The following SPATS2 variants were observed in gnomAD, a reference collection of about 807,000 sequenced individuals.
SPATS2 encodes the protein spermatogenesis-associated serine-rich protein 2.
SPATS2 carries 38 observed loss-of-function variants against 63.7 expected under a neutral mutation model. That is an observed-to-expected ratio of 0.60 (90% CI 0.46 to 0.78). The LOEUF (loss-of-function observed/expected upper bound fraction) is 0.78, where lower values mean the gene tolerates loss of function less well. Among genes scored for constraint, SPATS2 ranks in the 30% least tolerant of loss-of-function variants. The pLI is 0.00. For missense variants in SPATS2, 588 were observed against 666.2 expected, an observed-to-expected ratio of 0.88 and a Z score of 1.29; for synonymous variants, 207 against 232.9, an observed-to-expected ratio of 0.89 and a Z score of 1.01.
intron 2 of SPATS2, among the ~76,000 whole-genome samples, chr12:49,458,647 G>A (rs1265618531): frequency 6.6e-6 from 1 of 151,860 alleles, no homozygotes; most frequent in African/African-American, 2.4e-5. Flanking sequence ...GGGCATGGTG[G>A]TGCATGCCTA....
intron 3 of SPATS2, among the ~76,000 whole-genome samples, chr12:49,479,144 C>T (rs888759834): frequency 6.6e-5 from 10 of 152,196 alleles, no homozygotes; most frequent in South Asian, 2.1e-4. Context: ...GGGCTTTTGT[C>T]GACCTTAGAG....
intron 2 of SPATS2, among the ~76,000 whole-genome samples, chr12:49,419,192 A>G (rs1003018705): frequency 1.3e-5 from 2 of 152,240 alleles, no homozygotes; most frequent in Non-Finnish European, 2.9e-5. Flanking sequence ...ATCTTTTAGA[A>G]TATTTAATGC....
At chr12:49,396,589 C>T (rs1256193136) in intron 2 of SPATS2, among the ~76,000 whole-genome samples, 2 of 152,184 alleles carry the variant, frequency 1.3e-5, no homozygotes, top group African/African-American at 4.8e-5. Flanking sequence ...CTTGGGGTCC[C>T]TCTACCACAT....
At chr12:49,444,849 C>A (rs527499348) in intron 2 of SPATS2, among the ~76,000 whole-genome samples, 1 of 150,988 alleles carries the variant, frequency 6.6e-6, no homozygotes, top group Admixed American at 6.6e-5. Context: ...GGTGATCCAC[C>A]GGCCTCAGCC....
chr12:49,400,714 C>G (rs1241126760), intron 2 of SPATS2, among the ~76,000 whole-genome samples: 2 of 151,896 alleles, frequency 1.3e-5, no homozygotes, highest in Non-Finnish European at 2.9e-5. Flanking sequence ...TCATTGATAG[C>G]TTGAGGAAAG....
intron 3 of SPATS2, among the ~76,000 whole-genome samples, chr12:49,477,826 T>C (rs1269031103): frequency 4.6e-5 from 7 of 152,108 alleles, no homozygotes; most frequent in Non-Finnish European, 7.4e-5. Flanking sequence ...TTACACATTC[T>C]CTTTTTCATA....
chr12:49,488,958 C>T (rs1946340792), intron 4 of SPATS2, among the ~76,000 whole-genome samples: 1 of 152,074 alleles, frequency 6.6e-6, no homozygotes, highest in South Asian at 2.1e-4. Context: ...AACTCAGTGG[C>T]ATGCAATGGG....
At chr12:49,376,543 C>T (rs115426188) in intron 2 of SPATS2, among the ~76,000 whole-genome samples, 4,407 of 151,708 alleles carry the variant, frequency 0.029, 91 homozygotes, top group Middle Eastern at 0.078. Context: ...AGTACAGGCT[C>T]GTACCACCAT....
intron 1 of SPATS2, among the ~76,000 whole-genome samples, chr12:49,370,732 C>T (rs929627093): frequency 3.3e-5 from 5 of 152,160 alleles, no homozygotes; most frequent in African/African-American, 4.8e-5. Context: ...AAGATCTTCC[C>T]GCCTCAGCTT....
chr12:49,514,018 G>A (rs1486506885), intron 9 of SPATS2, among the ~76,000 whole-genome samples: 14 of 152,018 alleles, frequency 9.2e-5, no homozygotes, highest in African/African-American at 2.7e-4. Context: ...ATAGACGAGC[G>A]TGGTGGCGGG....
At chr12:49,518,905 A>G (rs777064104) in intron 10 of SPATS2, among the ~76,000 whole-genome samples, 168 bp from the exon 11 acceptor site, 1 of 152,364 alleles carries the variant, frequency 6.6e-6, no homozygotes, top group East Asian at 1.9e-4. Flanking sequence ...AACTGCCTTC[A>G]GAGACCCAAT....
chr12:49,473,668 G>T (rs1946075807), intron 3 of SPATS2, among the ~76,000 whole-genome samples: 1 of 152,144 alleles, frequency 6.6e-6, no homozygotes, highest in South Asian at 2.1e-4. Context: ...TCACTAGCAG[G>T]ATAAGTAAGT....
intron 6 of SPATS2, among the ~76,000 whole-genome samples, chr12:49,493,514 GC>G (rs553341225): frequency 1.0e-3 from 155 of 151,634 alleles, no homozygotes; most frequent in African/African-American, 3.4e-3. Flanking sequence ...TGATTCTCCT[GC>G]CTCAGCCTCC....
chr12:49,428,172 G>A (rs1032830435), intron 2 of SPATS2, among the ~76,000 whole-genome samples: 10 of 151,898 alleles, frequency 6.6e-5, no homozygotes, highest in Non-Finnish European at 1.0e-4. Flanking sequence ...GGAGAATGGC[G>A]TGAACCCAGG....
At chr12:49,498,145 A>AAAAAAATATATAT (rs66900382) in intron 8 of SPATS2, among the ~76,000 whole-genome samples, 34 of 98,948 alleles carry the variant, frequency 3.4e-4, no homozygotes, top group South Asian at 6.9e-4. Flanking sequence ...AAAAAAAAAA[A>AAAAAAATATATAT]ATATATATAT....
At chr12:49,508,745 C>CTT (rs543241049) in intron 9 of SPATS2, among the ~76,000 whole-genome samples, 6 of 142,186 alleles carry the variant, frequency 4.2e-5, no homozygotes, top group Non-Finnish European at 7.7e-5. Context: ...CTGGCTCAGC[C>CTT]TTTTTTTTTT....
intron 9 of SPATS2, among the ~76,000 whole-genome samples, chr12:49,507,777 C>T (rs1946678147): frequency 6.6e-6 from 1 of 152,122 alleles, no homozygotes; most frequent in Non-Finnish European, 1.5e-5. Context: ...AGTGTGCGTA[C>T]ATGTTTATTT....
intron 3 of SPATS2, among the ~76,000 whole-genome samples, chr12:49,472,974 C>T (rs184276261): frequency 3.3e-5 from 5 of 149,346 alleles, no homozygotes; most frequent in East Asian, 2.0e-4. Context: ...TGCTTGAGCC[C>T]GGGTAGTCGA....
chr12:49,486,956 TTTCTC>T (rs1269660429), intron 4 of SPATS2, among the ~76,000 whole-genome samples: 2 of 152,242 alleles, frequency 1.3e-5, no homozygotes, highest in Admixed American at 1.3e-4. Flanking sequence ...TAAAAGATCT[TTTCTC>T]ATCTTATTTT....
Sources: gnomAD v4.1 joint callset for allele counts (sites outside exome capture counted in the v4.1 genomes callset) on GRCh38, gnomAD v4.1.1 for gene constraint, MANE v1.5 for transcripts, NCBI Gene and HGNC (gene_info 2026-07-23, HGNC 2026-07-21) for gene names.